Variants in NLGN1 observed in about 807,000 individuals in gnomAD.
NLGN1 encodes the protein neuroligin 1, also known as neuroligin-1.
A neutral mutation model predicts 65.5 loss-of-function variants in NLGN1; 12 were observed. The observed-to-expected ratio is 0.18, with a 90% CI of 0.12 to 0.30. NLGN1 has a LOEUF of 0.30. NLGN1 is among the 10% of genes least tolerant of loss of function. The probability of loss-of-function intolerance (pLI) is 1.00; values close to 1 mark genes in which losing one functional copy is unlikely to be tolerated. For synonymous variants in NLGN1, 350 were observed against 359.5 expected (o/e 0.97, Z 0.30); for missense variants, 750 against 1,007.1 (o/e 0.74, Z 3.46).
chr3:173,894,248 C>T (rs1259804319), intron 4 of NLGN1, among the ~76,000 whole-genome samples: 1 of 152,152 alleles, frequency 6.6e-6, no homozygotes, highest in Non-Finnish European at 1.5e-5. Context: ...TAGAGGCCAA[C>T]ATCAAACACA....
At chr3:173,900,321 A>G (rs923139003) in intron 4 of NLGN1, among the ~76,000 whole-genome samples, 5 of 152,060 alleles carry the variant, frequency 3.3e-5, no homozygotes, top group Non-Finnish European at 1.5e-5. Context: ...TCAGGGCCTG[A>G]CCATAGCTTT....
rs1266404869 is a variant in NLGN1, at chr3:173,449,806, C to T, written c.-321+14728C>T. Among the ~76,000 whole-genome samples, 4 of 152,146 alleles carry T rather than the reference C, an allele frequency of 2.6e-5. No individual in the cohort carries two copies. The East Asian group carries it at 7.7e-4, about 29-fold the overall frequency. ...TCTTCTTATTGAATTGATCCCTTTG[C>T]CATTATCTAATGGCCTTCTTTGTCT... On this transcript the variant is annotated intron_variant, in intron 2 of 6. Transcript: ENST00000457714.
intron 4 of NLGN1, among the ~76,000 whole-genome samples, chr3:173,909,970 A>G (rs974340139): frequency 6.6e-6 from 1 of 152,140 alleles, no homozygotes; most frequent in Non-Finnish European, 1.5e-5. Context: ...GAGCCATCAC[A>G]CCCAGCCTCC....
intron 3 of NLGN1, among the ~76,000 whole-genome samples, chr3:173,675,887 T>TCTCTCACACACA (rs756157881): frequency 3.1e-3 from 423 of 138,622 alleles, no homozygotes; most frequent in Non-Finnish European, 4.3e-3. Context: ...TCTCTCTCTC[T>TCTCTCACACACA]CACACACACA....
chr3:173,964,485 G>A (rs1334244850), intron 4 of NLGN1, among the ~76,000 whole-genome samples: 1 of 152,114 alleles, frequency 6.6e-6, no homozygotes, highest in African/African-American at 2.4e-5. Context: ...GTAATTCAAT[G>A]TTCTTTCTGG....
At chr3:173,814,949 G>C (rs1718706884) in intron 4 of NLGN1, among the ~76,000 whole-genome samples, 1 of 152,092 alleles carries the variant, frequency 6.6e-6, no homozygotes, top group Admixed American at 6.5e-5. Context: ...CAGTTTCCCT[G>C]AGGAGGTAAC....
intron 2 of NLGN1, among the ~76,000 whole-genome samples, chr3:173,459,711 A>G (rs1723059541): frequency 6.6e-6 from 1 of 152,170 alleles, no homozygotes; most frequent in African/African-American, 2.4e-5. Context: ...CAATATATTT[A>G]TAATTTTATG....
intron 2 of NLGN1, among the ~76,000 whole-genome samples, chr3:173,478,291 C>G (rs554308274): frequency 1.3e-5 from 2 of 152,086 alleles, no homozygotes; most frequent in Admixed American, 6.6e-5. Context: ...CCTCAGCAAA[C>G]TAATGCAAGA....
At chr3:173,482,235 G>A (rs999874372) in intron 2 of NLGN1, among the ~76,000 whole-genome samples, 1 of 151,770 alleles carries the variant, frequency 6.6e-6, no homozygotes, top group Non-Finnish European at 1.5e-5. Flanking sequence ...TCTAGTGCTT[G>A]TATGTCTACA....
At chr3:173,565,541 G>A (rs545548222) in intron 2 of NLGN1, among the ~76,000 whole-genome samples, 4 of 152,226 alleles carry the variant, frequency 2.6e-5, no homozygotes, top group African/African-American at 9.6e-5. Flanking sequence ...ATGGGCATAG[G>A]GGAGGGTAGG....
intron 4 of NLGN1, among the ~76,000 whole-genome samples, chr3:174,029,050 G>T (rs961377807): frequency 4.6e-5 from 7 of 152,158 alleles, no homozygotes; most frequent in African/African-American, 1.7e-4. Context: ...CTTCTGCTAA[G>T]GCAAAAGGAA....
At chr3:173,671,461 C>T (rs1261301294) in intron 3 of NLGN1, among the ~76,000 whole-genome samples, 1 of 151,946 alleles carries the variant, frequency 6.6e-6, no homozygotes, top group South Asian at 2.1e-4. Flanking sequence ...CAGACTGTCT[C>T]AAACAGAAGA....
chr3:173,772,902 G>A (rs550226937), intron 3 of NLGN1, among the ~76,000 whole-genome samples: 7 of 152,150 alleles, frequency 4.6e-5, no homozygotes, highest in Admixed American at 2.6e-4. Flanking sequence ...ATTCCACCTC[G>A]CTTTTGCATC....
intron 4 of NLGN1, among the ~76,000 whole-genome samples, chr3:173,825,212 A>G (rs954813334): frequency 9.7e-4 from 147 of 152,236 alleles, no homozygotes; most frequent in African/African-American, 3.4e-3. Flanking sequence ...CACTCTGCTG[A>G]AAGGGATTGA....
chr3:173,563,071 C>T (rs1281575669), intron 2 of NLGN1, among the ~76,000 whole-genome samples: 1 of 152,170 alleles, frequency 6.6e-6, no homozygotes, highest in Admixed American at 6.5e-5. Flanking sequence ...CAGGCTTGTG[C>T]TATAAAATGT....
chr3:173,650,675 T>G (rs1313311845), intron 3 of NLGN1, among the ~76,000 whole-genome samples: 1 of 152,198 alleles, frequency 6.6e-6, no homozygotes, highest in Non-Finnish European at 1.5e-5. Context: ...GGTTGTGAAA[T>G]AAGTATTCAG....
intron 4 of NLGN1, among the ~76,000 whole-genome samples, chr3:174,147,419 CTTTTTTTTTTTTTTTTTTT>C (rs574298501): frequency 8.3e-5 from 3 of 36,252 alleles, no homozygotes; most frequent in Admixed American, 3.5e-4. Flanking sequence ...TGGCTCATGG[CTTTTTTTTTTTTTTTTTTT>C]TTTTTTTTTT....
At chr3:173,935,643 C>CTCTCTCTCTG (rs1744943931) in intron 4 of NLGN1, among the ~76,000 whole-genome samples, 1 of 150,526 alleles carries the variant, frequency 6.6e-6, no homozygotes, top group Non-Finnish European at 1.5e-5. Context: ...CTCTCTCTCT[C>CTCTCTCTCTG]TCTCTCTCTG....
intron 4 of NLGN1, among the ~76,000 whole-genome samples, chr3:173,838,429 G>C (rs1435699388): frequency 6.6e-6 from 1 of 151,918 alleles, no homozygotes; most frequent in East Asian, 1.9e-4. Context: ...CTACATAATG[G>C]TTTGTTTAGT....
Sources: allele counts gnomAD v4.1 joint callset (sites outside exome capture counted in the v4.1 genomes callset), GRCh38; gene constraint gnomAD v4.1.1; transcripts MANE v1.5; gene names NCBI Gene and HGNC (gene_info 2026-07-23, HGNC 2026-07-21).